C12orf42: variants seen among roughly 807,000 people sequenced by gnomAD.
C12orf42 encodes chromosome 12 open reading frame 42.
A neutral mutation model predicts 21.6 loss-of-function variants in C12orf42; 25 were observed. The observed-to-expected ratio is 1.16, with a 90% confidence interval of 0.84 to 1.62. The LOEUF is 1.62. C12orf42 is among the 40% of genes most tolerant of loss of function. The pLI is 0.00. For synonymous variants in C12orf42, 174 were observed against 175.0 expected, an observed-to-expected ratio of 0.99 and a Z score of 0.05; for missense variants, 483 against 459.3, an observed-to-expected ratio of 1.05 and a Z score of -0.47.
chr12:103,376,412 G>A (rs189572888), intron 3 of C12orf42, among the ~76,000 whole-genome samples: 2 of 152,118 alleles, frequency 1.3e-5, no homozygotes, highest in East Asian at 1.9e-4. Context: ...GTCGAGGGGT[G>A]GGGGGCAAGG....
chr12:103,403,523 C>T (rs1481971001), intron 2 of C12orf42, among the ~76,000 whole-genome samples: 2 of 152,214 alleles, frequency 1.3e-5, no homozygotes, highest in Non-Finnish European at 2.9e-5. Context: ...GATCACACAA[C>T]CATGTAGTGA....
chr12:103,085,717 A>G, the C12orf42 span, among the ~76,000 whole-genome samples: 1 of 152,138 alleles, frequency 6.6e-6, no homozygotes, highest in African/African-American at 2.4e-5. Flanking sequence ...ATGTGGCTGA[A>G]AGTAGTAGGC....
chr12:103,287,715 A>C (rs1415092322), intron 4 of C12orf42, among the ~76,000 whole-genome samples: 3 of 151,922 alleles, frequency 2.0e-5, no homozygotes, highest in Admixed American at 6.6e-5. Flanking sequence ...TAATAAAAAA[A>C]AAAAACAAAA....
chr12:103,462,376 G>T (rs1952796521), intron 2 of C12orf42, among the ~76,000 whole-genome samples: 1 of 151,812 alleles, frequency 6.6e-6, no homozygotes, highest in Non-Finnish European at 1.5e-5. Flanking sequence ...CTCCTAAAGT[G>T]CTGGAATTAC....
At chr12:103,481,005 C>A (rs1346776770) in intron 1 of C12orf42, among the ~76,000 whole-genome samples, 1 of 149,604 alleles carries the variant, frequency 6.7e-6, no homozygotes, top group Non-Finnish European at 1.5e-5. Flanking sequence ...TGTATTGGGT[C>A]TTTCTATTTT....
chr12:103,125,969 TG>T, the C12orf42 span, among the ~76,000 whole-genome samples: 1 of 152,186 alleles, frequency 6.6e-6, no homozygotes, highest in African/African-American at 2.4e-5. Context: ...CAGGAGATCT[TG>T]GTGCAATGCC....
intron 1 of C12orf42, among the ~76,000 whole-genome samples, chr12:103,493,090 C>T (rs938950113): frequency 6.6e-6 from 1 of 152,182 alleles, no homozygotes; most frequent in Non-Finnish European, 1.5e-5. Flanking sequence ...ACTTGTTGCA[C>T]TTTCCATTCT....
chr12:103,407,944 C>T (rs2048545122), intron 2 of C12orf42, among the ~76,000 whole-genome samples: 1 of 152,128 alleles, frequency 6.6e-6, no homozygotes, highest in African/African-American at 2.4e-5. Flanking sequence ...GTTGACAAAG[C>T]CACAGCTAGC....
At chr12:103,196,626 A>G in the C12orf42 span, among the ~76,000 whole-genome samples, 2 of 152,036 alleles carry the variant, frequency 1.3e-5, no homozygotes, top group Non-Finnish European at 2.9e-5. Context: ...ATATATATTT[A>G]GAATAGTTAA....
chr12:103,416,910 G>C (rs971009972), intron 2 of C12orf42, among the ~76,000 whole-genome samples: 3 of 152,276 alleles, frequency 2.0e-5, no homozygotes, highest in Non-Finnish European at 4.4e-5. Context: ...ATTATAACTA[G>C]TATGTGCAAG....
chr12:103,267,436 G>A (rs578199256), downstream of C12orf42, among the ~76,000 whole-genome samples: 1 of 151,756 alleles, frequency 6.6e-6, no homozygotes, highest in African/African-American at 2.4e-5. Flanking sequence ...TAACATATAT[G>A]TATACATACA....
chr12:103,496,492 C>T (rs1163492608), upstream of C12orf42, among the ~76,000 whole-genome samples: 1 of 152,128 alleles, frequency 6.6e-6, no homozygotes, highest in Non-Finnish European at 1.5e-5. Context: ...CTCTATCCCA[C>T]CTCCGACTGG....
At chr12:103,236,749 T>C (rs1164360118), downstream of C12orf42, among the ~76,000 whole-genome samples, 1 of 152,244 alleles carries the variant, frequency 6.6e-6, no homozygotes, top group African/African-American at 2.4e-5. Context: ...TTACTGTGAA[T>C]GAACCTGCTT....
At chr12:103,088,075 C>T in the C12orf42 span, among the ~76,000 whole-genome samples, 12 of 152,108 alleles carry the variant, frequency 7.9e-5, no homozygotes, top group Admixed American at 7.9e-4. Flanking sequence ...GATTTTGATT[C>T]CCAGGGAGCA....
At chr12:103,434,129 G>C (rs1950476011) in intron 2 of C12orf42, among the ~76,000 whole-genome samples, 1 of 152,164 alleles carries the variant, frequency 6.6e-6, no homozygotes, top group Non-Finnish European at 1.5e-5. Flanking sequence ...GGCAAGACCA[G>C]CTTCTTGAAA....
chr12:103,266,861 A>C (rs767009653), downstream of C12orf42, among the ~76,000 whole-genome samples: 1 of 152,172 alleles, frequency 6.6e-6, no homozygotes, highest in Non-Finnish European at 1.5e-5. Flanking sequence ...AAAAGTGGAA[A>C]AATAACCTTC....
intron 1 of C12orf42, among the ~76,000 whole-genome samples, chr12:103,488,384 T>A (rs1048746510): frequency 2.0e-5 from 3 of 152,216 alleles, no homozygotes; most frequent in Non-Finnish European, 4.4e-5. Context: ...TCCCTTAACA[T>A]TTTTTCCTTC....
intron 3 of C12orf42, among the ~76,000 whole-genome samples, chr12:103,395,683 T>C (rs2047470293): frequency 6.6e-6 from 1 of 152,132 alleles, no homozygotes; most frequent in Non-Finnish European, 1.5e-5. Context: ...ACATATTCAT[T>C]AAAAATAGTA....
the C12orf42 span, among the ~76,000 whole-genome samples, chr12:103,089,783 T>C: frequency 3.0e-4 from 46 of 152,260 alleles, no homozygotes; most frequent in African/African-American, 1.1e-3. Context: ...TCAGTTTGCT[T>C]ATTGAAAAGT....
Sources: gnomAD v4.1 joint callset for allele counts (sites outside exome capture counted in the v4.1 genomes callset) on GRCh38, gnomAD v4.1.1 for gene constraint, MANE v1.5 for transcripts, NCBI Gene and HGNC (gene_info 2026-07-23, HGNC 2026-07-21) for gene names.